TRAPPC10: variants seen among roughly 807,000 people sequenced by gnomAD.
TRAPPC10 encodes trafficking protein particle complex subunit 10.
TRAPPC10 carries 23 observed loss-of-function variants against 125.5 expected under a neutral mutation model. The observed-to-expected ratio is 0.18, with a 90% CI of 0.13 to 0.26. The LOEUF is 0.26. Among genes scored for constraint, TRAPPC10 ranks in the 10% least tolerant of loss-of-function variants. The pLI is 1.00. For synonymous variants in TRAPPC10, 509 were observed against 518.0 expected (o/e 0.98, Z 0.24); for missense variants, 1,123 against 1,308.4 (o/e 0.86, Z 2.19).
chr21:44,016,839 T>G (rs1199365699), intron 1 of TRAPPC10, among the ~76,000 whole-genome samples: 1 of 152,116 alleles, frequency 6.6e-6, no homozygotes, highest in Admixed American at 6.5e-5. Context: ...TTTGTATTTT[T>G]AGTAGAGACG....
chr21:44,058,240 A>G (rs569777077), intron 5 of TRAPPC10, among the ~76,000 whole-genome samples: 2 of 152,280 alleles, frequency 1.3e-5, no homozygotes, highest in African/African-American at 4.8e-5. Flanking sequence ...AGGAGTTTGG[A>G]GAGCAAGCCA....
chr21:44,060,911 T>C (rs951346388), intron 6 of TRAPPC10, among the ~76,000 whole-genome samples: 2 of 106,456 alleles, frequency 1.9e-5, no homozygotes, highest in African/African-American at 1.1e-4. Flanking sequence ...TATACATACA[T>C]ACATACACAC....
chr21:44,073,733 C>A (rs1472873883), intron 7 of TRAPPC10, among the ~76,000 whole-genome samples: 2 of 152,154 alleles, frequency 1.3e-5, no homozygotes, highest in Non-Finnish European at 2.9e-5. Flanking sequence ...GTATAGGGAG[C>A]AATAGGGAGC....
Position 44,060,915 on chromosome 21 carries a change from T to TACACACACACACACACACACAC in TRAPPC10, c.790+1712_790+1733dup, listed in dbSNP as rs34848979. On this transcript the variant is annotated intron_variant, in intron 6 of 22. Transcript: ENST00000291574. ...CATGCCCAGCCTATACATACATACA[T>TACACACACACACACACACACAC]ACACACACACACACACACACACACA... is the stretch of plus-strand genomic sequence containing the variant. Among the ~76,000 whole-genome samples, 3 of 132,192 alleles carry TACACACACACACACACACACAC rather than the reference T, an allele frequency of 2.3e-5. 1 individual carries two copies. Among genetic ancestry groups the TACACACACACACACACACACAC allele is most frequent in the African/African-American group, 9.1e-5 (3 of 33,042 alleles). The allele number at this position is 132,192 out of a possible 152,430, so 86.7% of individuals were successfully genotyped here. A position where few individuals can be genotyped will look rare whatever the true frequency, so the allele number is the denominator to read the frequency against.
At chr21:44,040,685 G>C (rs149373826) in intron 3 of TRAPPC10, among the ~76,000 whole-genome samples, 2,903 of 151,718 alleles carry the variant, frequency 0.019, 81 homozygotes, top group African/African-American at 0.067. Flanking sequence ...GCAGTGGTGC[G>C]ATCTTGGTTC....
At chr21:44,057,455 G>A (rs1049894110) in intron 5 of TRAPPC10, among the ~76,000 whole-genome samples, 4 of 151,902 alleles carry the variant, frequency 2.6e-5, no homozygotes, top group Admixed American at 2.0e-4. Context: ...GCGCCACCAC[G>A]CCCAGCTAAT....
intron 20 of TRAPPC10, among the ~76,000 whole-genome samples, chr21:44,094,846 A>T (rs1003523341): frequency 3.3e-5 from 5 of 152,134 alleles, no homozygotes; most frequent in African/African-American, 9.7e-5. Flanking sequence ...ATTATCAAAC[A>T]ATGTTTATTT....
chr21:44,065,987 G>C (rs776408070), intron 7 of TRAPPC10, among the ~76,000 whole-genome samples: 2 of 152,132 alleles, frequency 1.3e-5, no homozygotes, highest in East Asian at 1.9e-4. Context: ...GGTCTGAGCT[G>C]CCCGTGGCTG....
chr21:44,029,201 T>C (rs1480471772), intron 1 of TRAPPC10, among the ~76,000 whole-genome samples: 1 of 152,144 alleles, frequency 6.6e-6, no homozygotes, highest in East Asian at 1.9e-4. Flanking sequence ...TTCACACCAT[T>C]CTCCTGCCTC....
intron 3 of TRAPPC10, among the ~76,000 whole-genome samples, chr21:44,048,372 T>A (rs2035000513): frequency 6.6e-6 from 1 of 152,186 alleles, no homozygotes. Context: ...TTGCTGGGCT[T>A]GTTTCCCATC....
intron 1 of TRAPPC10, among the ~76,000 whole-genome samples, chr21:44,014,116 A>G (rs1460766829): frequency 6.6e-6 from 1 of 152,228 alleles, no homozygotes; most frequent in Non-Finnish European, 1.5e-5. Flanking sequence ...TCTACCTCCT[A>G]GCTTGCTTAC....
At position 44,037,982 on chromosome 21, in the gene TRAPPC10, G is replaced by A. The variant is rs2034113966; in HGVS notation, c.285+55G>A. 3.1e-6 allele frequency: 5 copies of A among 1,593,168 alleles called. No individual in the cohort carries two copies. In the African/African-American group the frequency reaches 5.4e-5, roughly 17 times the overall value. The stretch of plus-strand genomic sequence containing the variant: ...GGTGGGATGGGGTTGGAGATGCGTG[G>A]AGAGTGCTGTGTGAGTACCAGTGGG... On this transcript the variant is annotated intron_variant, in intron 3 of 22. Coordinates refer to ENST00000291574, the MANE Select transcript of TRAPPC10 (RefSeq NM_003274.5).
chr21:44,051,337 TGATTTA>T (rs1166417147), intron 3 of TRAPPC10, among the ~76,000 whole-genome samples: 1 of 152,216 alleles, frequency 6.6e-6, no homozygotes, highest in African/African-American at 2.4e-5. Context: ...GAGAAAGCAC[TGATTTA>T]GATGGTAGCT....
chr21:44,082,780 A>C lies in TRAPPC10; in HGVS notation c.1724-8A>C, dbSNP rs577888779. 3 of 1,612,862 alleles carry C rather than the reference A, an allele frequency of 1.9e-6. No homozygotes were observed. The highest frequency in any genetic ancestry group is 2.2e-5 in the South Asian group (2 of 91,032). ...TGGGGAGTCACTTACGATAATGTCT[A>C]TTTACAGGTCATAAGATAGTGCTAC... On this transcript the variant is annotated splice_polypyrimidine_tract_variant and splice_region_variant and intron_variant, in intron 13 of 22. Coordinates refer to ENST00000291574, the MANE Select transcript of TRAPPC10 (RefSeq NM_003274.5). This position sits in a 1 kb window ranked among gnomAD's most constrained non-coding sequence, Gnocchi z 4.4.
intron 7 of TRAPPC10, among the ~76,000 whole-genome samples, chr21:44,065,053 C>T (rs2036337732): frequency 6.6e-6 from 1 of 152,124 alleles, no homozygotes; most frequent in Non-Finnish European, 1.5e-5. Context: ...TTCATGTGTA[C>T]CTAGGGATTT....
At chr21:44,023,841 CGA>C (rs1464631332) in intron 1 of TRAPPC10, among the ~76,000 whole-genome samples, 1 of 152,224 alleles carries the variant, frequency 6.6e-6, no homozygotes, top group Non-Finnish European at 1.5e-5. Context: ...TGCAATGGCA[CGA>C]TCTCAGCCCA....
intron 13 of TRAPPC10, among the ~76,000 whole-genome samples, chr21:44,081,328 T>G (rs2037722224): frequency 6.6e-6 from 1 of 151,932 alleles, no homozygotes; most frequent in Admixed American, 6.5e-5. Context: ...GCCTGGCTAA[T>G]TTTTGTATTT....
At chr21:44,095,295 G>GAT (rs1239941736) in intron 20 of TRAPPC10, among the ~76,000 whole-genome samples, 1 of 151,876 alleles carries the variant, frequency 6.6e-6, no homozygotes, top group African/African-American at 2.4e-5. Flanking sequence ...GCCCAGGCTG[G>GAT]AGTGCAATGG....
At chr21:44,030,649 G>A (rs574198016) in intron 1 of TRAPPC10, among the ~76,000 whole-genome samples, 74 of 151,986 alleles carry the variant, frequency 4.9e-4, no homozygotes, top group African/African-American at 1.7e-3. Flanking sequence ...TATTTTTTTA[G>A]TAGAGACAAG....
Sources: gnomAD v4.1 joint callset for allele counts (sites outside exome capture counted in the v4.1 genomes callset) on GRCh38, gnomAD v4.1.1 for gene constraint, Gnocchi (gnomAD v3.1) non-coding constraint, MANE v1.5 for transcripts, NCBI Gene and HGNC (gene_info 2026-07-23, HGNC 2026-07-21) for gene names.